TMEM200A: variants seen among roughly 807,000 people sequenced by gnomAD.
TMEM200A encodes the protein transmembrane protein 200A, also known as two transmembrane C.
A neutral mutation model predicts 24.3 loss-of-function variants in TMEM200A; 12 were observed. That is an observed-to-expected ratio of 0.49 (90% CI 0.32 to 0.80). The LOEUF (loss-of-function observed/expected upper bound fraction) is 0.80, where lower values mean the gene tolerates loss of function less well. Ranked by LOEUF, TMEM200A falls within the 30% of genes least tolerant of loss-of-function variation. TMEM200A has a pLI of 0.04. For missense variants in TMEM200A, 545 were observed against 614.4 expected (o/e 0.89, Z 1.19); for synonymous variants, 224 against 224.4 (o/e 1.00, Z 0.02).
chr6:130,395,793 T>A (rs983336150), intron 2 of TMEM200A, among the ~76,000 whole-genome samples: 1 of 152,200 alleles, frequency 6.6e-6, no homozygotes, highest in Non-Finnish European at 1.5e-5. Context: ...ATCAAAGTCG[T>A]TGAATTTAAA....
intron 1 of TMEM200A, among the ~76,000 whole-genome samples, chr6:130,383,471 T>A (rs763337400): frequency 6.6e-6 from 1 of 152,170 alleles, no homozygotes; most frequent in Non-Finnish European, 1.5e-5. Flanking sequence ...AAAACTTGAA[T>A]GTCTGGCGAT....
rs897908945 is a variant in TMEM200A at position 130,366,759 on chromosome 6, C to T, written c.-81+235C>T. 1.8e-4 allele frequency among the ~76,000 whole-genome samples: 27 copies of T among 152,198 alleles called. No homozygotes were observed. The highest frequency in any genetic ancestry group is 6.5e-4 in the African/African-American group (27 of 41,456). ...CCGTGCGGGGCAGCCTCCAAGAACC[C>T]GGAGTACTGGAGCGCCTGGCTGGGT... On this transcript the variant is annotated intron_variant, in intron 1 of 2. Coordinates refer to ENST00000296978, the MANE Select transcript of TMEM200A (RefSeq NM_001258277.2). This position sits in a 1 kb window ranked among gnomAD's most constrained non-coding sequence, Gnocchi z 4.4.
intron 2 of TMEM200A, among the ~76,000 whole-genome samples, chr6:130,413,416 C>T (rs1779376260): frequency 6.6e-6 from 1 of 152,120 alleles, no homozygotes; most frequent in East Asian, 1.9e-4. Flanking sequence ...CTCGCATGCC[C>T]ACTCCTGAAC....
At chr6:130,440,026 A>ATG (rs60406822) in intron 2 of TMEM200A, among the ~76,000 whole-genome samples, 3,914 of 148,942 alleles carry the variant, frequency 0.026, 160 homozygotes, top group African/African-American at 0.091. Context: ...GTGTGTGTGT[A>ATG]TGTGTGTGTG....
rs768887099 is a variant in TMEM200A at position 130,441,673 on chromosome 6, A to C, written c.1251A>C (p.Pro417=). 5 of 1,613,980 alleles carry C rather than the reference A, an allele frequency of 3.1e-6. No homozygotes were observed. The highest frequency in any genetic ancestry group is 2.7e-5 in the African/African-American group (2 of 74,918). ...LTVQAEQRKH[P]SWPRLDRNNS... ...TTCAGGCAGAACAACGGAAACATCCAAGTTGGCCTAGGTTGGATCGGAACA... is the reference window on the plus strand; with the variant it reads ...TTCAGGCAGAACAACGGAAACATCCCAGTTGGCCTAGGTTGGATCGGAACA... Residue 417 remains proline (P), a synonymous_variant, in exon 3 of 3, where the codon CCA becomes CCC. Transcript: ENST00000296978.
chr6:130,407,681 T>G (rs1193601873), intron 2 of TMEM200A, among the ~76,000 whole-genome samples: 1 of 152,162 alleles, frequency 6.6e-6, no homozygotes, highest in Non-Finnish European at 1.5e-5. Flanking sequence ...GCCAAGAAGC[T>G]CCGAGGTGCC....
At chr6:130,408,663 G>T (rs1779262231) in intron 2 of TMEM200A, among the ~76,000 whole-genome samples, 1 of 152,132 alleles carries the variant, frequency 6.6e-6, no homozygotes, top group Admixed American at 6.6e-5. Context: ...GAAAAGCAGG[G>T]TCCAGATTCT....
At chr6:130,369,219 A>G (rs1778253936) in intron 1 of TMEM200A, among the ~76,000 whole-genome samples, 1 of 152,250 alleles carries the variant, frequency 6.6e-6, no homozygotes, top group Admixed American at 6.5e-5. Flanking sequence ...ATTTTCACAA[A>G]TGATGCAATA....
intron 2 of TMEM200A, among the ~76,000 whole-genome samples, chr6:130,425,815 A>G (rs900553255): frequency 3.9e-5 from 6 of 152,220 alleles, no homozygotes; most frequent in Non-Finnish European, 7.3e-5. Flanking sequence ...ACATTCCATT[A>G]ATCTCCAAAA....
chr6:130,393,707 T>A lies in TMEM200A; in HGVS notation c.-17+8471T>A, dbSNP rs145998100. On this transcript the variant is annotated intron_variant, in intron 2 of 2. Coordinates refer to ENST00000296978, the MANE Select transcript of TMEM200A (RefSeq NM_001258277.2). ...TTTTCAAGATTATTTTCCAGGCCCA[T>A]CATGTAAAACGGGAAATGGTGTACA... Among the ~76,000 whole-genome samples, 230 of 152,286 alleles carry A rather than the reference T, an allele frequency of 1.5e-3. 2 individuals are homozygous for A. The highest frequency in any genetic ancestry group is 5.2e-3 in the African/African-American group (217 of 41,554).
chr6:130,417,366 C>G (rs1172662601), intron 2 of TMEM200A, among the ~76,000 whole-genome samples: 1 of 152,112 alleles, frequency 6.6e-6, no homozygotes, highest in African/African-American at 2.4e-5. Flanking sequence ...AATTTGAGCA[C>G]AAATGGGTGG....
chr6:130,393,631 C>G (rs1778886832), intron 2 of TMEM200A, among the ~76,000 whole-genome samples: 4 of 152,176 alleles, frequency 2.6e-5, no homozygotes, highest in Non-Finnish European at 4.4e-5. Context: ...TCTGTGTAAG[C>G]ATAATTTGTA....
Position 130,436,630 on chromosome 6 carries a change from C to CTTTTT in TMEM200A, c.-16-3777_-16-3776insTTTTT, listed in dbSNP as rs1583233634. Reference sequence around the variant, plus strand: ...TTCACTAGGCTTCGTTTTTCTTTATCCTTTTTTTTTTTTTTTTTTTTTTTT... The same window carrying CTTTTT: ...TTCACTAGGCTTCGTTTTTCTTTATCTTTTTCTTTTTTTTTTTTTTTTTTTTTTTT... On this transcript the variant is annotated intron_variant, in intron 2 of 2. Coordinates refer to ENST00000296978, the MANE Select transcript of TMEM200A (RefSeq NM_001258277.2). Among the ~76,000 whole-genome samples the CTTTTT allele has an allele frequency of 1.5e-3, 102 of 66,768 alleles. 39 individuals are homozygous for CTTTTT. The highest frequency in any genetic ancestry group is 2.4e-3 in the Non-Finnish European group (66 of 27,042). The allele number at this position is 66,768 out of a possible 152,430, so 43.8% of individuals were successfully genotyped here.
At position 130,441,411 on chromosome 6, in the gene TMEM200A, C is replaced by T. The variant is rs949583707; in HGVS notation, c.989C>T (p.Pro330Leu). The T allele has an allele frequency of 1.2e-6, 2 of 1,613,948 alleles. No individual in the cohort carries two copies. The highest frequency in any genetic ancestry group is 2.7e-5 in the African/African-American group (2 of 74,914). The part of the protein sequence containing the change: ...RNLSMDSLVV[P>L]LPNTSESFQP... ...TTGTCAATGGATTCCCTTGTGGTTC[C>T]TTTGCCCAACACCAGTGAATCCTTC... The change falls in exon 3 of 3, where the codon CCT becomes CTT. Residue 330 changes from proline to leucine, a missense_variant. Coordinates refer to ENST00000296978, the MANE Select transcript of TMEM200A (RefSeq NM_001258277.2).
At chr6:130,391,731 CTTTTTTTTTTTT>C (rs773093362) in intron 2 of TMEM200A, among the ~76,000 whole-genome samples, 16 of 81,884 alleles carry the variant, frequency 2.0e-4, no homozygotes, top group South Asian at 1.7e-3. Flanking sequence ...TTCAAGATTC[CTTTTTTTTTTTT>C]TTTTTTTTTT....
At chr6:130,427,896 T>A (rs1042341358) in intron 2 of TMEM200A, among the ~76,000 whole-genome samples, 1 of 152,180 alleles carries the variant, frequency 6.6e-6, no homozygotes, top group Admixed American at 6.5e-5. Flanking sequence ...TCTCTTGGCT[T>A]GCTATCTCTA....
At chr6:130,420,622 T>C (rs759757321) in intron 2 of TMEM200A, among the ~76,000 whole-genome samples, 1 of 152,136 alleles carries the variant, frequency 6.6e-6, no homozygotes, top group Non-Finnish European at 1.5e-5. Context: ...GGCACTTTCA[T>C]CTTAAATATA....
rs1780226254 is a variant in TMEM200A, at chr6:130,442,681, A to G, written c.*783A>G. ...TTTGTAGAAATGCTATCCTGAAATA[A>G]TTATATACATGAAGACAATGTTGAC... is the stretch of plus-strand genomic sequence containing the variant. On this transcript the variant is annotated 3_prime_UTR_variant, in exon 3 of 3. Coordinates refer to ENST00000296978, the MANE Select transcript of TMEM200A (RefSeq NM_001258277.2). 2.4e-5 allele frequency: 4 copies of G among 166,838 alleles called. No individual in the cohort carries two copies. In the South Asian group the frequency reaches 8.3e-4, roughly 35 times the overall value. The allele number at this position is 166,838 out of a possible 1,614,324, so 10.3% of individuals were successfully genotyped here.
At chr6:130,440,092 G>T (rs1013295733) in intron 2 of TMEM200A, among the ~76,000 whole-genome samples, 1 of 151,760 alleles carries the variant, frequency 6.6e-6, no homozygotes, top group Non-Finnish European at 1.5e-5. Flanking sequence ...GTGGCCAGGG[G>T]ACTATTTTAT....
Sources: gnomAD v4.1 joint callset for allele counts (sites outside exome capture counted in the v4.1 genomes callset) on GRCh38, gnomAD v4.1.1 for gene constraint, Gnocchi (gnomAD v3.1) non-coding constraint, MANE v1.5 for transcripts, NCBI Gene and HGNC (gene_info 2026-07-23, HGNC 2026-07-21) for gene names.